The following GPATCH8 variants were observed in gnomAD, a reference collection of about 807,000 sequenced individuals.
The protein encoded by GPATCH8 is G-patch domain containing 8.
In GPATCH8, 18 loss-of-function variants were observed where a neutral mutation model predicts 118.3. The observed-to-expected ratio is 0.15, with a 90% confidence interval of 0.11 to 0.23. GPATCH8 has a LOEUF of 0.23. GPATCH8 is among the 10% of genes least tolerant of loss of function. The pLI is 1.00. For synonymous variants in GPATCH8, 659 were observed against 684.7 expected (o/e 0.96, Z 0.59); for missense variants, 1,631 against 1,873.8 (o/e 0.87, Z 2.39).
At chr17:44,453,580 C>T (rs2051216370) in intron 3 of GPATCH8, among the ~76,000 whole-genome samples, 1 of 150,556 alleles carries the variant, frequency 6.6e-6, no homozygotes, top group Non-Finnish European at 1.5e-5. Flanking sequence ...GGCTGGAGTA[C>T]ACTCGCAATG....
chr17:44,396,833 C>A lies in GPATCH8; in HGVS notation c.*735G>T, dbSNP rs1226954266. On this transcript the variant is annotated 3_prime_UTR_variant, in exon 8 of 8. Coordinates refer to ENST00000591680, the MANE Select transcript of GPATCH8 (RefSeq NM_001002909.4). Reference sequence around the variant, plus strand: ...TCAACACAACAGAAGAAAATATACCCTTCACTTTAGACACATGAGCTCCTC... The same window carrying A: ...TCAACACAACAGAAGAAAATATACCATTCACTTTAGACACATGAGCTCCTC... 6 of 454,278 alleles carry A rather than the reference C, an allele frequency of 1.3e-5. No individual in the cohort carries two copies. Among genetic ancestry groups the A allele is most frequent in the Non-Finnish European group, 2.6e-5 (6 of 226,786 alleles). The allele number at this position is 454,278 out of a possible 1,614,324, so 28.1% of individuals were successfully genotyped here.
At chr17:44,446,648 T>C (rs1018764022) in intron 3 of GPATCH8, among the ~76,000 whole-genome samples, 13 of 152,066 alleles carry the variant, frequency 8.5e-5, no homozygotes, top group African/African-American at 3.1e-4. Flanking sequence ...GAGTAGAAAA[T>C]ATCTGGGGGG....
intron 2 of GPATCH8, chr17:44,474,613 T>C: frequency 1.5e-6 from 1 of 645,854 alleles, no homozygotes; most frequent in Non-Finnish European, 2.8e-6. Context: ...CCATTGAAAT[T>C]CTAATGTGTT....
chr17:44,400,520 G>T lies in GPATCH8; in HGVS notation c.1557C>A (p.Ala519=), dbSNP rs2048977436. ...ESNSSKETSL[A]TPAGKESQEG... ...CTTGGCTTTCTTTCCCTGCTGGGGT[G>T]GCCAGAGAGGTTTCTTTAGAAGAGT... is the stretch of plus-strand genomic sequence containing the variant. Residue 519 remains alanine, a synonymous_variant, in exon 8 of 8, where the codon GCC becomes GCA. Transcript: ENST00000591680. The T allele has an allele frequency of 6.2e-7, 1 of 1,613,700 alleles. No individual in the cohort carries two copies. The highest frequency in any genetic ancestry group is 8.5e-7 in the Non-Finnish European group (1 of 1,179,714).
intron 3 of GPATCH8, 61 bp from the exon 4 acceptor site, chr17:44,436,606 C>G (rs190174229): frequency 1.2e-6 from 1 of 852,200 alleles, no homozygotes; most frequent in East Asian, 2.4e-5. Flanking sequence ...TCATTTTACA[C>G]ATTGGGTTTT....
At chr17:44,405,867 AAATTTTAAG>A in intron 7 of GPATCH8, 45 bp downstream of exon 7, 1 of 1,280,016 alleles carries the variant, frequency 7.8e-7, no homozygotes, top group Non-Finnish European at 1.1e-6. Flanking sequence ...CTATAATTTA[AAATTTTAAG>A]GATTATAATT....
chr17:44,405,503 C>T (rs1245477797), intron 7 of GPATCH8, among the ~76,000 whole-genome samples: 2 of 106,460 alleles, frequency 1.9e-5, no homozygotes, highest in Non-Finnish European at 4.1e-5. Context: ...CCACCATGCC[C>T]GGCCACTTTT....
intron 1 of GPATCH8, 96 bp from the exon 2 acceptor site, chr17:44,474,999 T>C (rs1967624871): frequency 2.9e-6 from 2 of 689,648 alleles, no homozygotes; most frequent in Non-Finnish European, 5.2e-6. Flanking sequence ...AACTTTTCTT[T>C]TTTTTTTTTA....
intron 1 of GPATCH8, among the ~76,000 whole-genome samples, chr17:44,482,065 G>A (rs1968294990): frequency 6.6e-6 from 1 of 152,110 alleles, no homozygotes; most frequent in Non-Finnish European, 1.5e-5. Flanking sequence ...AGGTTGCAGT[G>A]AGCCAAGGTG....
chr17:44,454,316 T>G (rs2051245932), intron 3 of GPATCH8, among the ~76,000 whole-genome samples: 1 of 152,020 alleles, frequency 6.6e-6, no homozygotes, highest in Non-Finnish European at 1.5e-5. Flanking sequence ...TTAGAAGGGG[T>G]CTCACTATGT....
In GPATCH8 at chr17:44,399,420, T is replaced by G; in HGVS notation, c.2657A>C (p.Gln886Pro). The G allele has an allele frequency of 6.2e-7, 1 of 1,613,948 alleles. No homozygotes were observed. The highest frequency in any genetic ancestry group is 1.7e-5 in the Admixed American group (1 of 60,026). The change falls in exon 8 of 8, where the codon CAG becomes CCG. Residue 886 changes from glutamine to proline, a missense_variant. By Grantham distance (76) the Gln-to-Pro change is moderately conservative. This residue lies in a region of GPATCH8 where 922 missense variants were observed against 879.7 expected (regional missense o/e 1.05). Coordinates refer to ENST00000591680, the MANE Select transcript of GPATCH8 (RefSeq NM_001002909.4). ...ASSDQSCYSR[Q>P]RSYSDDSYSD... ...GTAGCTGTCATCAGAGTAACTGCGCTGTCTACTATAGCAGCTCTGGTCTGA... is the reference window on the plus strand; with the variant it reads ...GTAGCTGTCATCAGAGTAACTGCGCGGTCTACTATAGCAGCTCTGGTCTGA...
At chr17:44,496,245 A>G (rs1279350307) in intron 1 of GPATCH8, among the ~76,000 whole-genome samples, 1 of 152,196 alleles carries the variant, frequency 6.6e-6, no homozygotes. Context: ...TGCCTACAAA[A>G]ATGATGAAAA....
At chr17:44,475,695 AAAACAAACAAAC>A (rs569839785) in intron 1 of GPATCH8, among the ~76,000 whole-genome samples, 1 of 151,884 alleles carries the variant, frequency 6.6e-6, no homozygotes, top group Non-Finnish European at 1.5e-5. Context: ...CTCCATCTCA[AAAACAAACAAAC>A]AAACAAACAA....
At chr17:44,452,961 G>C (rs1256589508) in intron 3 of GPATCH8, among the ~76,000 whole-genome samples, 1 of 152,066 alleles carries the variant, frequency 6.6e-6, no homozygotes, top group Non-Finnish European at 1.5e-5. Context: ...CCAGGTGGCT[G>C]GGACTACAGG....
At chr17:44,496,002 G>GGAC (rs1969642052) in intron 1 of GPATCH8, among the ~76,000 whole-genome samples, 1 of 152,086 alleles carries the variant, frequency 6.6e-6, no homozygotes, top group Non-Finnish European at 1.5e-5. Context: ...TGAGTAGCTG[G>GGAC]GACTACAGGA....
intron 6 of GPATCH8, among the ~76,000 whole-genome samples, chr17:44,416,857 G>C (rs1377167630): frequency 6.6e-6 from 1 of 152,142 alleles, no homozygotes; most frequent in African/African-American, 2.4e-5. Context: ...AAAGCTCAGG[G>C]AACTACTGTT....
rs1158193486 is a variant in GPATCH8 at position 44,398,846 on chromosome 17, T to G, written c.3231A>C (p.Glu1077Asp). ...TCTTGTCTTCAGGACTGCAGTCACC[T>G]TCTGACCCTCTTCCTGTGCCAATGT... ...NSNIGTGRGSEGDCSPEDKNS... is the reference protein window; with the variant it reads ...NSNIGTGRGSDGDCSPEDKNS... The change falls in exon 8 of 8, where the codon GAA becomes GAC. Residue 1077 changes from glutamate to aspartate, a missense_variant. Physicochemically the swap from Glu to Asp is conservative, Grantham distance 45. Coordinates refer to ENST00000591680, the MANE Select transcript of GPATCH8 (RefSeq NM_001002909.4). 4 of 1,613,840 alleles carry G rather than the reference T, an allele frequency of 2.5e-6. No homozygotes were observed. The highest frequency in any genetic ancestry group is 3.4e-6 in the Non-Finnish European group (4 of 1,179,828).
intron 3 of GPATCH8, among the ~76,000 whole-genome samples, chr17:44,444,267 C>A (rs200724587): frequency 2.4e-5 from 3 of 125,548 alleles, no homozygotes; most frequent in African/African-American, 3.0e-5. Flanking sequence ...AAAAAAAAAA[C>A]CTAAAGAAAA....
At position 44,407,006 on chromosome 17, in the gene GPATCH8, T is replaced by C. The variant is rs761511340; in HGVS notation, c.493-955A>G. 2.6e-5 allele frequency among the ~76,000 whole-genome samples: 4 copies of C among 152,204 alleles called. No individual in the cohort carries two copies. In the East Asian group the frequency reaches 5.8e-4, roughly 22 times the overall value. On this transcript the variant is annotated intron_variant, in intron 6 of 7. Coordinates refer to ENST00000591680, the MANE Select transcript of GPATCH8 (RefSeq NM_001002909.4). ...AAAACGAAACATATACATTAACCTA[T>C]GCTTTTACAACAGCATTGGGAAAAG... is the stretch of plus-strand genomic sequence containing the variant.
Sources: allele counts gnomAD v4.1 joint callset (sites outside exome capture counted in the v4.1 genomes callset), GRCh38; gene constraint gnomAD v4.1.1; regional missense constraint gnomAD v4.1.1; transcripts MANE v1.5; gene names NCBI Gene and HGNC (gene_info 2026-07-23, HGNC 2026-07-21).